PEX14: variants seen among roughly 807,000 people sequenced by gnomAD.
PEX14 encodes the protein peroxisomal membrane protein PEX14.
PEX14 carries 15 observed loss-of-function variants against 49.5 expected under a neutral mutation model. That is an observed-to-expected ratio of 0.30 (90% CI 0.20 to 0.47). The LOEUF is 0.47. PEX14 is among the 20% of genes least tolerant of loss of function. The probability of loss-of-function intolerance (pLI) is 1.00; values close to 1 mark genes in which losing one functional copy is unlikely to be tolerated. For synonymous variants in PEX14, 210 were observed against 212.7 expected (o/e 0.99, Z 0.11); for missense variants, 398 against 494.8 (o/e 0.80, Z 1.86).
chr1:10,522,396 C>T (rs1299641932), intron 2 of PEX14, among the ~76,000 whole-genome samples: 90 of 152,222 alleles, frequency 5.9e-4, no homozygotes, highest in South Asian at 2.1e-4. Context: ...TAAAGAGGCA[C>T]TCCTGAAAAT....
chr1:10,566,892 G>C (rs1639821577), intron 3 of PEX14, among the ~76,000 whole-genome samples: 1 of 151,958 alleles, frequency 6.6e-6, no homozygotes, highest in Non-Finnish European at 1.5e-5. Flanking sequence ...TAGAGTATAA[G>C]GATTCAAGTT....
intron 3 of PEX14, among the ~76,000 whole-genome samples, chr1:10,562,950 C>T (rs894673187): frequency 3.5e-5 from 5 of 144,490 alleles, no homozygotes; most frequent in Admixed American, 2.2e-4. Flanking sequence ...CTCTCTCTGT[C>T]GCCCAGGGTG....
At chr1:10,535,421 T>G (rs958561216) in intron 2 of PEX14, among the ~76,000 whole-genome samples, 2 of 152,184 alleles carry the variant, frequency 1.3e-5, no homozygotes, top group Admixed American at 6.5e-5. Context: ...CTTTTAGCCA[T>G]GAAACTCCAA....
At chr1:10,530,888 A>C (rs1426636310) in intron 2 of PEX14, among the ~76,000 whole-genome samples, 1 of 152,164 alleles carries the variant, frequency 6.6e-6, no homozygotes, top group African/African-American at 2.4e-5. Context: ...GAGAATGACA[A>C]TTCCGACGCT....
intron 3 of PEX14, among the ~76,000 whole-genome samples, chr1:10,553,842 A>G (rs1375806439): frequency 6.6e-6 from 1 of 151,914 alleles, no homozygotes; most frequent in Non-Finnish European, 1.5e-5. Flanking sequence ...GTGACAGTCA[A>G]CCTGTTTGCT....
chr1:10,616,442 C>T (rs1008076637), intron 4 of PEX14, among the ~76,000 whole-genome samples: 4 of 152,202 alleles, frequency 2.6e-5, no homozygotes, highest in East Asian at 1.9e-4. Context: ...CGTGTTGTGA[C>T]GTTCCTTCCC....
intron 1 of PEX14, among the ~76,000 whole-genome samples, chr1:10,481,589 G>A (rs982623616): frequency 5.9e-5 from 9 of 151,586 alleles, no homozygotes; most frequent in Non-Finnish European, 1.5e-5. Context: ...CTATAGTCAT[G>A]CACTATGATG....
At chr1:10,518,535 A>G (rs1267787515) in intron 2 of PEX14, among the ~76,000 whole-genome samples, 2 of 152,158 alleles carry the variant, frequency 1.3e-5, no homozygotes, top group Non-Finnish European at 2.9e-5. Context: ...TAGTGTATAT[A>G]TTGGGAAATC....
chr1:10,583,879 A>G (rs1000515628), intron 3 of PEX14, among the ~76,000 whole-genome samples: 5 of 151,966 alleles, frequency 3.3e-5, no homozygotes, highest in African/African-American at 1.2e-4. Flanking sequence ...TCCAGGAACA[A>G]GAATGGTAGG....
At chr1:10,541,406 C>T (rs1035847210) in intron 3 of PEX14, among the ~76,000 whole-genome samples, 32 of 152,222 alleles carry the variant, frequency 2.1e-4, no homozygotes, top group African/African-American at 6.0e-4. Context: ...CGGAGAGGCC[C>T]GCCTGCAGCA....
intron 1 of PEX14, among the ~76,000 whole-genome samples, chr1:10,492,794 A>T (rs1053876360): frequency 6.6e-6 from 1 of 152,236 alleles, no homozygotes; most frequent in Admixed American, 6.5e-5. Context: ...CCAGGGATAC[A>T]GTGATAAGCA....
intron 4 of PEX14, among the ~76,000 whole-genome samples, chr1:10,614,550 G>T (rs1224096447): frequency 2.0e-5 from 3 of 152,172 alleles, no homozygotes; most frequent in African/African-American, 7.2e-5. Flanking sequence ...CAGCCCAGAG[G>T]GCCCCAGAGA....
chr1:10,510,848 C>G (rs1557818993), intron 2 of PEX14, among the ~76,000 whole-genome samples: 2 of 152,158 alleles, frequency 1.3e-5, no homozygotes, highest in East Asian at 3.9e-4. Context: ...TGCCGATGTT[C>G]AGTGGATGAC....
At chr1:10,503,476 G>A (rs962501152) in intron 2 of PEX14, among the ~76,000 whole-genome samples, 2 of 151,384 alleles carry the variant, frequency 1.3e-5, no homozygotes, top group Non-Finnish European at 1.5e-5. Context: ...TGCTGAAGAC[G>A]TGATCTACAA....
At chr1:10,523,735 C>T (rs1638374434) in intron 2 of PEX14, among the ~76,000 whole-genome samples, 1 of 150,678 alleles carries the variant, frequency 6.6e-6, no homozygotes, top group Non-Finnish European at 1.5e-5. Context: ...CAGCGTTTGG[C>T]TGTGTTTGCA....
At chr1:10,542,074 T>C (rs1639032238) in intron 3 of PEX14, among the ~76,000 whole-genome samples, 1 of 76,462 alleles carries the variant, frequency 1.3e-5, no homozygotes, top group Non-Finnish European at 2.7e-5. Context: ...CATTGGCATG[T>C]ATTAGTAAAA....
chr1:10,475,698 T>C (rs1641183566), intron 1 of PEX14, among the ~76,000 whole-genome samples: 1 of 152,212 alleles, frequency 6.6e-6, no homozygotes, highest in Admixed American at 6.5e-5. Context: ...AGGACCAGCG[T>C]TGACGCCTGT....
chr1:10,595,929 C>T (rs1291932808), intron 3 of PEX14, among the ~76,000 whole-genome samples: 2 of 152,220 alleles, frequency 1.3e-5, no homozygotes, highest in African/African-American at 4.8e-5. Flanking sequence ...TTACAATTGG[C>T]AGTTTCCTTT....
intron 3 of PEX14, among the ~76,000 whole-genome samples, chr1:10,544,222 T>C (rs774469405): frequency 6.6e-6 from 1 of 152,226 alleles, no homozygotes. Context: ...TTAATGAATA[T>C]TTGTTAAATG....
Sources: allele counts gnomAD v4.1 joint callset (sites outside exome capture counted in the v4.1 genomes callset), GRCh38; gene constraint gnomAD v4.1.1; transcripts MANE v1.5; gene names NCBI Gene and HGNC (gene_info 2026-07-23, HGNC 2026-07-21).